The following ZDHHC2 variants were observed in gnomAD, a reference collection of about 807,000 sequenced individuals.
The protein encoded by ZDHHC2 is zDHHC palmitoyltransferase 2.
ZDHHC2 carries 51 observed loss-of-function variants against 55.6 expected under a neutral mutation model. That is an observed-to-expected ratio of 0.92 (90% confidence interval 0.73 to 1.16). The LOEUF (loss-of-function observed/expected upper bound fraction) is 1.16. ZDHHC2 is among the 50% of genes most tolerant of loss of function. The pLI, the probability that ZDHHC2 is intolerant of heterozygous loss-of-function variation, is 0.00. For missense variants in ZDHHC2, 491 were observed against 442.4 expected (o/e 1.11, Z -0.99); for synonymous variants, 199 against 152.9 (o/e 1.30, Z -2.22).
chr8:17,186,571 A>G (rs772117164), intron 3 of ZDHHC2, 146 bp downstream of exon 3: 8 of 522,210 alleles, frequency 1.5e-5, no homozygotes, highest in Non-Finnish European at 2.3e-5. Flanking sequence ...TCTGTTAATA[A>G]ATACTTGAAT....
chr8:17,197,451 T>C, intron 4 of ZDHHC2, 131 bp from the exon 5 acceptor site: 5 of 773,814 alleles, frequency 6.5e-6, no homozygotes, highest in Non-Finnish European at 8.1e-6. Context: ...GCATCAAATA[T>C]CTTATTTTTT....
At chr8:17,170,121 G>T (rs1261242191) in intron 1 of ZDHHC2, among the ~76,000 whole-genome samples, 1 of 152,202 alleles carries the variant, frequency 6.6e-6, no homozygotes, top group African/African-American at 2.4e-5. Flanking sequence ...ATGATTTGCT[G>T]CAAGTAAGAA....
chr8:17,212,432 G>A (rs1256055766), intron 10 of ZDHHC2, among the ~76,000 whole-genome samples: 3 of 152,066 alleles, frequency 2.0e-5, no homozygotes, highest in South Asian at 2.1e-4. Context: ...ATTCTCCCAC[G>A]TGTTCATGCT....
rs182016380 is a variant in ZDHHC2, at chr8:17,192,726, A to C, written c.253-2778A>C. 4.5e-4 allele frequency among the ~76,000 whole-genome samples: 68 copies of C among 152,144 alleles called. 1 individual carries two copies. Among genetic ancestry groups the C allele is most frequent in the Admixed American group, 4.5e-3 (68 of 15,266 alleles). On this transcript the variant is annotated intron_variant, in intron 3 of 12. Coordinates refer to ENST00000262096, the MANE Select transcript of ZDHHC2 (RefSeq NM_016353.5). ...ACCAATGCTTTGGAGAGTTTCCCCA[A>C]CGTTTTCTTTTACTGGTTTCATAAT...
chr8:17,214,667 G>C (rs1807556783), intron 10 of ZDHHC2, among the ~76,000 whole-genome samples: 1 of 152,060 alleles, frequency 6.6e-6, no homozygotes, highest in Non-Finnish European at 1.5e-5. Context: ...CTAGCACTTT[G>C]GGAGGCTAAG....
chr8:17,167,943 C>T (rs1229338478), intron 1 of ZDHHC2, among the ~76,000 whole-genome samples: 4 of 152,172 alleles, frequency 2.6e-5, no homozygotes, highest in African/African-American at 7.2e-5. Context: ...AATTAACCCC[C>T]ACCCGCCCTT....
intron 1 of ZDHHC2, among the ~76,000 whole-genome samples, chr8:17,172,148 T>C (rs4921739): frequency 0.24 from 36,161 of 152,056 alleles, 4,785 homozygotes; most frequent in Admixed American, 0.33. Flanking sequence ...CCTGTATCCA[T>C]TTATCCTTTT....
At chr8:17,204,187 T>C (rs532003778) in intron 6 of ZDHHC2, among the ~76,000 whole-genome samples, 2 of 152,228 alleles carry the variant, frequency 1.3e-5, no homozygotes, top group Non-Finnish European at 2.9e-5. Flanking sequence ...GCTATTCCCT[T>C]TACCTTATAT....
At chr8:17,201,406 TTCA>T (rs1806755233) in intron 6 of ZDHHC2, among the ~76,000 whole-genome samples, 2 of 151,732 alleles carry the variant, frequency 1.3e-5, no homozygotes, top group South Asian at 4.2e-4. Flanking sequence ...TGTGAATGTA[TTCA>T]TCTAATGGCA....
At chr8:17,164,007 T>C (rs889924361) in intron 1 of ZDHHC2, among the ~76,000 whole-genome samples, 2 of 152,158 alleles carry the variant, frequency 1.3e-5, no homozygotes, top group African/African-American at 4.8e-5. Context: ...CAAATGGCAG[T>C]AGTGAAAAGG....
At chr8:17,195,067 A>G (rs1469332617) in intron 3 of ZDHHC2, among the ~76,000 whole-genome samples, 1 of 152,248 alleles carries the variant, frequency 6.6e-6, no homozygotes, top group African/African-American at 2.4e-5. Flanking sequence ...GATTATCCCT[A>G]AGTTAAAACT....
chr8:17,187,852 C>G (rs1410497488), intron 3 of ZDHHC2, among the ~76,000 whole-genome samples: 3 of 152,194 alleles, frequency 2.0e-5, no homozygotes, highest in East Asian at 1.9e-4. Flanking sequence ...AGCATAGCTT[C>G]TTGATAATTC....
intron 1 of ZDHHC2, among the ~76,000 whole-genome samples, chr8:17,161,720 G>C (rs1021307430): frequency 3.9e-5 from 6 of 152,086 alleles, no homozygotes; most frequent in African/African-American, 1.2e-4. Flanking sequence ...TTAGCCAGGT[G>C]TGGTGGTGCG....
intron 1 of ZDHHC2, among the ~76,000 whole-genome samples, chr8:17,180,710 G>T (rs899929313): frequency 1.3e-5 from 2 of 152,210 alleles, no homozygotes; most frequent in African/African-American, 4.8e-5. Flanking sequence ...AGTGGAATAA[G>T]TGGGATAGCT....
chr8:17,187,250 T>G (rs1189771251), intron 3 of ZDHHC2, among the ~76,000 whole-genome samples: 1 of 152,242 alleles, frequency 6.6e-6, no homozygotes, highest in Non-Finnish European at 1.5e-5. Flanking sequence ...GTTGAAAAGA[T>G]CATTCTGTTT....
At chr8:17,216,209 G>A (rs992426294) in intron 11 of ZDHHC2, among the ~76,000 whole-genome samples, 3 of 152,148 alleles carry the variant, frequency 2.0e-5, no homozygotes, top group African/African-American at 7.2e-5. Flanking sequence ...ACCAGTCAAC[G>A]TTTTAAAGTG....
chr8:17,213,315 G>A (rs1408539890), intron 10 of ZDHHC2, among the ~76,000 whole-genome samples: 2 of 150,918 alleles, frequency 1.3e-5, no homozygotes, highest in Admixed American at 6.6e-5. Flanking sequence ...GTGCAGTGAC[G>A]CAGTCTCGGC....
chr8:17,186,633 A>G lies in ZDHHC2; in HGVS notation c.252+208A>G, dbSNP rs564898054. ...ACCAGATAAGCACTGCATTTTCTGT[A>G]TTGAATCTGTTATGAATTCCATTTC... On this transcript the variant is annotated intron_variant, in intron 3 of 12. Transcript: ENST00000262096. 1.6e-4 allele frequency among the ~76,000 whole-genome samples: 25 copies of G among 152,302 alleles called. No individual in the cohort carries two copies. The South Asian group carries it at 5.2e-3, about 32-fold the overall frequency.
chr8:17,174,789 C>T (rs191294384), intron 1 of ZDHHC2, among the ~76,000 whole-genome samples: 77 of 147,684 alleles, frequency 5.2e-4, no homozygotes, highest in Admixed American at 3.3e-3. Context: ...CAGCTCACTG[C>T]AGCCTCCGCC....
Sources: allele counts gnomAD v4.1 joint callset (sites outside exome capture counted in the v4.1 genomes callset), GRCh38; gene constraint gnomAD v4.1.1; transcripts MANE v1.5; gene names NCBI Gene and HGNC (gene_info 2026-07-23, HGNC 2026-07-21).